The following AGPS variants were observed in gnomAD, a reference collection of about 807,000 sequenced individuals.
AGPS encodes alkylglycerone phosphate synthase, also known as alkyldihydroxyacetonephosphate synthase, peroxisomal.
AGPS carries 26 observed loss-of-function variants against 90.7 expected under a neutral mutation model. The ratio of observed to expected loss-of-function variants is 0.29; its 90% CI spans 0.21 to 0.40. The LOEUF (loss-of-function observed/expected upper bound fraction) is 0.40. Among genes scored for constraint, AGPS ranks in the 10% least tolerant of loss-of-function variants. AGPS has a pLI of 1.00. For synonymous variants in AGPS, 294 were observed against 285.3 expected (o/e 1.03, Z -0.31); for missense variants, 540 against 816.1 (o/e 0.66, Z 4.12).
At chr2:177,488,144 C>T (rs1417899737) in intron 11 of AGPS, among the ~76,000 whole-genome samples, 2 of 151,862 alleles carry the variant, frequency 1.3e-5, no homozygotes, top group Non-Finnish European at 2.9e-5. Context: ...AAGAATTTGT[C>T]TACATTTTAA....
At chr2:177,394,807 GT>G (rs1481053500) in intron 1 of AGPS, among the ~76,000 whole-genome samples, 1 of 152,180 alleles carries the variant, frequency 6.6e-6, no homozygotes, top group Non-Finnish European at 1.5e-5. Context: ...AAATGATCAA[GT>G]GTTTAGTGCA....
intron 2 of AGPS, among the ~76,000 whole-genome samples, chr2:177,421,328 CTTAAG>C (rs920628120): frequency 2.0e-5 from 3 of 151,960 alleles, no homozygotes; most frequent in South Asian, 2.1e-4. Context: ...CATTACTATA[CTTAAG>C]TTAATGTTTT....
chr2:177,485,199 C>T (rs1688059645), intron 11 of AGPS, among the ~76,000 whole-genome samples: 1 of 152,096 alleles, frequency 6.6e-6, no homozygotes, highest in South Asian at 2.1e-4. Flanking sequence ...ATAATATCTC[C>T]CCTCTATAGA....
At chr2:177,458,136 A>G (rs747983052) in intron 8 of AGPS, among the ~76,000 whole-genome samples, 14 of 152,214 alleles carry the variant, frequency 9.2e-5, no homozygotes, top group Non-Finnish European at 1.6e-4. Flanking sequence ...ATAAAATTCA[A>G]CACCCCTTCA....
At chr2:177,474,714 C>CT (rs1687732672) in intron 10 of AGPS, among the ~76,000 whole-genome samples, 1 of 152,202 alleles carries the variant, frequency 6.6e-6, no homozygotes, top group African/African-American at 2.4e-5. Flanking sequence ...GCTTACTATT[C>CT]TTTGCTCATC....
intron 16 of AGPS, among the ~76,000 whole-genome samples, chr2:177,512,906 C>T (rs987909903): frequency 1.1e-4 from 17 of 151,766 alleles, no homozygotes; most frequent in East Asian, 3.9e-4. Flanking sequence ...TGCAGTAGTG[C>T]GATGTTGGCT....
intron 16 of AGPS, among the ~76,000 whole-genome samples, 182 bp from the exon 17 acceptor site, chr2:177,513,637 A>G (rs1259500893): frequency 6.6e-6 from 1 of 152,176 alleles, no homozygotes; most frequent in Non-Finnish European, 1.5e-5. Context: ...TTCTTTTTGA[A>G]GTTAGGAATG....
intron 12 of AGPS, among the ~76,000 whole-genome samples, chr2:177,496,483 A>C (rs1688416151): frequency 6.6e-6 from 1 of 152,112 alleles, no homozygotes; most frequent in Non-Finnish European, 1.5e-5. Flanking sequence ...TGATAGTTTA[A>C]AATAAAAGAA....
At chr2:177,487,603 T>G (rs1243347190) in intron 11 of AGPS, among the ~76,000 whole-genome samples, 1 of 152,194 alleles carries the variant, frequency 6.6e-6, no homozygotes, top group Non-Finnish European at 1.5e-5. Context: ...AGCACTTACC[T>G]TATAAAACAC....
chr2:177,492,922 TA>T (rs1688307735), intron 11 of AGPS, among the ~76,000 whole-genome samples: 1 of 152,232 alleles, frequency 6.6e-6, no homozygotes, highest in East Asian at 1.9e-4. Flanking sequence ...CTTATGTTTG[TA>T]TTTATTTATC....
intron 4 of AGPS, 48 bp downstream of exon 4, chr2:177,436,932 A>T: frequency 6.2e-7 from 1 of 1,610,892 alleles, no homozygotes. Flanking sequence ...AAAAAATTCT[A>T]TATTTTAAGC....
At chr2:177,421,592 T>C (rs1685944507) in intron 2 of AGPS, among the ~76,000 whole-genome samples, 1 of 152,088 alleles carries the variant, frequency 6.6e-6, no homozygotes, top group Non-Finnish European at 1.5e-5. Context: ...CTCATTCCCA[T>C]CCTTAATTGT....
intron 8 of AGPS, among the ~76,000 whole-genome samples, chr2:177,453,672 C>A (rs968548550): frequency 2.8e-5 from 4 of 144,122 alleles, no homozygotes; most frequent in African/African-American, 1.0e-4. Context: ...ATTATCATGT[C>A]TAAGAAAATC....
At chr2:177,420,820 G>T (rs558662803) in intron 2 of AGPS, among the ~76,000 whole-genome samples, 1 of 151,850 alleles carries the variant, frequency 6.6e-6, no homozygotes, top group East Asian at 1.9e-4. Context: ...TTTACAAGGA[G>T]TGTGGGTTAT....
At chr2:177,497,833 A>C in intron 13 of AGPS, 68 bp downstream of exon 13, 1 of 825,298 alleles carries the variant, frequency 1.2e-6, no homozygotes, top group Non-Finnish European at 2.0e-6. Context: ...TTCTTCCCAC[A>C]TGCACCTATT....
At chr2:177,470,341 C>T (rs1016991223) in intron 10 of AGPS, among the ~76,000 whole-genome samples, 4 of 152,088 alleles carry the variant, frequency 2.6e-5, no homozygotes, top group African/African-American at 4.8e-5. Context: ...GGGCTACCTC[C>T]GTAGGTAGTC....
intron 1 of AGPS, among the ~76,000 whole-genome samples, chr2:177,409,315 C>T (rs1048822752): frequency 4.6e-5 from 7 of 152,036 alleles, no homozygotes; most frequent in South Asian, 2.1e-4. Context: ...TTGCCACTCC[C>T]GGCAAGAATG....
intron 19 of AGPS, among the ~76,000 whole-genome samples, chr2:177,536,553 A>G (rs561173291): frequency 2.0e-5 from 3 of 152,136 alleles, no homozygotes; most frequent in Non-Finnish European, 4.4e-5. Context: ...AGGCTGAATC[A>G]TAGTCATGGG....
In AGPS at chr2:177,445,452, T is replaced by C. The variant is rs1184526166; in HGVS notation, c.790-94T>C. 4.6e-6 allele frequency: 5 copies of C among 1,095,520 alleles called. No homozygotes were observed. In the African/African-American group the frequency reaches 7.8e-5, roughly 17 times the overall value. 67.9% of individuals were successfully genotyped at this position (1,095,520 alleles called of 1,614,324 possible). On this transcript the variant is annotated intron_variant, in intron 7 of 19. Coordinates refer to ENST00000264167, the MANE Select transcript of AGPS (RefSeq NM_003659.4). ...GGGAACCCTTCTTGCTTAATCACTG[T>C]CTTACCACTTGTTGCTTTGAATTAG...
Sources: allele counts gnomAD v4.1 joint callset (sites outside exome capture counted in the v4.1 genomes callset), GRCh38; gene constraint gnomAD v4.1.1; transcripts MANE v1.5; gene names NCBI Gene and HGNC (gene_info 2026-07-23, HGNC 2026-07-21).